The following TOP2B variants were observed in gnomAD, a reference collection of about 807,000 sequenced individuals.
TOP2B encodes DNA topoisomerase 2-beta.
Under a neutral mutation model 193.5 loss-of-function variants are expected in TOP2B, and 51 were observed. That is an observed-to-expected ratio of 0.26 (90% CI 0.21 to 0.33). The LOEUF (loss-of-function observed/expected upper bound fraction) is 0.33, where lower values mean the gene tolerates loss of function less well. Among genes scored for constraint, TOP2B ranks in the 10% least tolerant of loss-of-function variants. The probability of loss-of-function intolerance (pLI) is 1.00; values close to 1 mark genes in which losing one functional copy is unlikely to be tolerated. For missense variants in TOP2B, 1,378 were observed against 1,909.3 expected (o/e 0.72, Z 5.19); for synonymous variants, 634 against 635.7 (o/e 1.00, Z 0.04).
chr3:25,646,925 A>C (rs567391472), intron 1 of TOP2B, among the ~76,000 whole-genome samples: 1 of 152,276 alleles, frequency 6.6e-6, no homozygotes, highest in African/African-American at 2.4e-5. Flanking sequence ...TTTCAAAATA[A>C]AAGTATTAAA....
chr3:25,637,245 A>G lies in TOP2B; in HGVS notation c.609T>C (p.Ala203=). The G allele has an allele frequency of 6.4e-7, 1 of 1,559,316 alleles. No homozygotes were observed. Among genetic ancestry groups the G allele is most frequent in the South Asian group, 1.2e-5 (1 of 84,700 alleles). The part of the protein sequence containing the change: ...IFSTKFTVET[A]CKEYKHSFKQ... ...TAAAACTGTGTTTGTATTCTTTGCA[A>G]GCTGTTTCTACTGTAAACTTTGTAC... Residue 203 remains alanine, a synonymous_variant, in exon 6 of 36, where the codon GCT becomes GCC. Transcript: ENST00000264331.
chr3:25,627,175 T>C lies in TOP2B; in HGVS notation c.2016+12A>G, dbSNP rs1347686424. 5 of 1,576,454 alleles carry C rather than the reference T, an allele frequency of 3.2e-6. No homozygotes were observed. The African/African-American group carries it at 5.5e-5, about 17-fold the overall frequency. ...TGGCTAACAAAAGCTTTTAAAAAAT[T>C]AACTTAATTACCAAGGTAATGGCAG... On this transcript the variant is annotated intron_variant, in intron 16 of 35. Transcript: ENST00000264331.
intron 1 of TOP2B, among the ~76,000 whole-genome samples, chr3:25,648,973 A>G (rs2125401160): frequency 6.6e-6 from 1 of 152,362 alleles, no homozygotes; most frequent in Non-Finnish European, 1.5e-5. Flanking sequence ...ATAAATGAGT[A>G]CAGATGAACA....
chr3:25,633,976 T>G lies in TOP2B; in HGVS notation c.891A>C (p.Lys297Asn). Residue 297 changes from lysine to asparagine, a missense_variant, in exon 8 of 36, where the codon AAA becomes AAC. Lys to Asn is a moderately conservative substitution (Grantham distance 94, BLOSUM62 0). Coordinates refer to ENST00000264331, the MANE Select transcript of TOP2B (RefSeq NM_001330700.2). ...CCACCCCAGTTTCATCCAATTTGTC[T>G]TTCACATAAAGATCTACATAACTGC... ...GFRSYVDLYV[K>N]DKLDETGVAL... 2.5e-6 allele frequency: 4 copies of G among 1,612,340 alleles called. No individual in the cohort carries two copies. The highest frequency in any genetic ancestry group is 3.4e-6 in the Non-Finnish European group (4 of 1,179,154).
At chr3:25,616,549 A>C (rs1366517009) in intron 25 of TOP2B, among the ~76,000 whole-genome samples, 2 of 152,036 alleles carry the variant, frequency 1.3e-5, no homozygotes, top group African/African-American at 4.8e-5. Context: ...TATAAACAAA[A>C]ACTATAAATT....
chr3:25,613,055 C>T lies in TOP2B; in HGVS notation c.3592-346G>A, dbSNP rs145455328. On this transcript the variant is annotated intron_variant, in intron 27 of 35. Coordinates refer to ENST00000264331, the MANE Select transcript of TOP2B (RefSeq NM_001330700.2). ...CATCAAAATCCTAGCAAATCATATA[C>T]AAAGGCAGTTCTGCTAATAAGTATG... 2.5e-4 allele frequency among the ~76,000 whole-genome samples: 38 copies of T among 152,128 alleles called. No individual in the cohort carries two copies. The East Asian group carries it at 7.0e-3, about 28-fold the overall frequency.
At chr3:25,599,779 T>G (rs1400605647) in intron 34 of TOP2B, among the ~76,000 whole-genome samples, 1 of 152,320 alleles carries the variant, frequency 6.6e-6, no homozygotes, top group Middle Eastern at 3.4e-3. Flanking sequence ...TAATGATGAA[T>G]CCCTTCATAC....
intron 30 of TOP2B, among the ~76,000 whole-genome samples, chr3:25,608,866 A>G (rs1341781744): frequency 6.6e-6 from 1 of 152,180 alleles, no homozygotes; most frequent in Non-Finnish European, 1.5e-5. Flanking sequence ...ACAAAACCAC[A>G]AAGCACTTCT....
At chr3:25,660,106 C>G (rs942031473) in intron 1 of TOP2B, among the ~76,000 whole-genome samples, 3 of 152,070 alleles carry the variant, frequency 2.0e-5, no homozygotes, top group Non-Finnish European at 4.4e-5. Flanking sequence ...GAACATACTT[C>G]GATTCAGAAA....
In TOP2B at chr3:25,598,031, G is replaced by GTAGTT. The variant is rs1303293731; in HGVS notation, c.*271_*275dup. Reference sequence around the variant, plus strand: ...AAATTTCATTTCAAAAAGCAGGTCTGTAGTTTGTAACCATGACAATTAAAA... The same window carrying GTAGTT: ...AAATTTCATTTCAAAAAGCAGGTCTGTAGTTTAGTTTGTAACCATGACAATTAAAA... On this transcript the variant is annotated 3_prime_UTR_variant, in exon 36 of 36. Coordinates refer to ENST00000264331, the MANE Select transcript of TOP2B (RefSeq NM_001330700.2). The GTAGTT allele has an allele frequency of 9.9e-5, 23 of 231,270 alleles. No individual in the cohort carries two copies. Among genetic ancestry groups the GTAGTT allele is most frequent in the African/African-American group, 1.8e-4 (8 of 44,418 alleles). The allele number at this position is 231,270 out of a possible 1,614,324, so 14.3% of individuals were successfully genotyped here. A position where few individuals can be genotyped will look rare whatever the true frequency, so the allele number is the denominator to read the frequency against.
Position 25,664,734 on chromosome 3 carries a change from C to G in TOP2B, c.-437G>C, listed in dbSNP as rs1322884919. The G allele has an allele frequency of 3.0e-6, 3 of 987,474 alleles. No homozygotes were observed. Among genetic ancestry groups the G allele is most frequent in the Non-Finnish European group, 3.6e-6 (3 of 830,292 alleles). 61.2% of individuals were successfully genotyped at this position (987,474 alleles called of 1,614,324 possible). On this transcript the variant is annotated 5_prime_UTR_variant, in exon 1 of 36. Coordinates refer to ENST00000264331, the MANE Select transcript of TOP2B (RefSeq NM_001330700.2). ...CCTTCTCACACTCCGCGAAGGCCAG[C>G]CACTCGAGTCGCCAGAGTAGTCGTC...
chr3:25,615,638 T>G (rs1344277252), intron 25 of TOP2B, 52 bp from the exon 26 acceptor site: 1 of 1,305,310 alleles, frequency 7.7e-7, no homozygotes, highest in African/African-American at 1.5e-5. Context: ...ATCAAATTAA[T>G]GTTGAATTTT....
Position 25,626,841 on chromosome 3 carries a change from A to G in TOP2B, c.2040T>C (p.Asp680=). The change falls in exon 17 of 36, where the codon GAT becomes GAC. Residue 680 remains aspartate (D), a synonymous_variant. Coordinates refer to ENST00000264331, the MANE Select transcript of TOP2B (RefSeq NM_001330700.2). ...ITLAFSKKKI[D]DRKEWLTNFM... Reference sequence around the variant, plus strand: ...AATTTGTTAACCATTCTTTTCTGTCATCAATCTTCTTCTTACTAAATGCCT... The same window carrying G: ...AATTTGTTAACCATTCTTTTCTGTCGTCAATCTTCTTCTTACTAAATGCCT... 1 of 1,601,492 alleles carries G rather than the reference A, an allele frequency of 6.2e-7. No homozygotes were observed. The highest frequency in any genetic ancestry group is 2.2e-5 in the East Asian group (1 of 44,684).
rs376367103 is a variant in TOP2B at position 25,602,857 on chromosome 3, C to T, written c.4490-1632G>A. Reference sequence around the variant, plus strand: ...TACAGAATTTAACTTGTGTAACATACGCAATTTGGAGTTAACATAGACAAT... The same window carrying T: ...TACAGAATTTAACTTGTGTAACATATGCAATTTGGAGTTAACATAGACAAT... On this transcript the variant is annotated intron_variant, in intron 33 of 35. Coordinates refer to ENST00000264331, the MANE Select transcript of TOP2B (RefSeq NM_001330700.2). Among the ~76,000 whole-genome samples, 14 of 152,282 alleles carry T rather than the reference C, an allele frequency of 9.2e-5. No individual in the cohort carries two copies. The East Asian group carries it at 9.6e-4, about 10-fold the overall frequency.
At chr3:25,607,961 T>A (rs1702275746) in intron 30 of TOP2B, among the ~76,000 whole-genome samples, 1 of 152,096 alleles carries the variant, frequency 6.6e-6, no homozygotes, top group South Asian at 2.1e-4. Context: ...TTTTAAAAAA[T>A]TGTTTTAGAC....
intron 33 of TOP2B, among the ~76,000 whole-genome samples, chr3:25,603,494 C>T (rs562451156): frequency 6.6e-6 from 1 of 152,140 alleles, no homozygotes; most frequent in Non-Finnish European, 1.5e-5. Context: ...CTGCCTGCCT[C>T]GACCTCCCAG....
At chr3:25,621,634 T>G (rs1207234259) in intron 21 of TOP2B, among the ~76,000 whole-genome samples, 1 of 152,032 alleles carries the variant, frequency 6.6e-6, no homozygotes, top group Non-Finnish European at 1.5e-5. Context: ...GCTGGGATTA[T>G]AGACATGAGT....
At chr3:25,620,144 T>C in intron 22 of TOP2B, 82 bp from the exon 23 acceptor site, 3 of 907,656 alleles carry the variant, frequency 3.3e-6, no homozygotes, top group Non-Finnish European at 4.9e-6. Flanking sequence ...TCTTGAAAAT[T>C]CTCAACTCTC....
Position 25,598,146 on chromosome 3 carries a change from G to T in TOP2B, c.*161C>A, listed in dbSNP as rs1220635344. 3 of 667,402 alleles carry T rather than the reference G, an allele frequency of 4.5e-6. No homozygotes were observed. The highest frequency in any genetic ancestry group is 4.8e-6 in the Non-Finnish European group (2 of 413,604). The allele number at this position is 667,402 out of a possible 1,614,324, so 41.3% of individuals were successfully genotyped here. A position where few individuals can be genotyped will look rare whatever the true frequency, so the allele number is the denominator to read the frequency against. ...AATGAGTAAAAAAGAGCATAAAACTGTATGTGTAAGAACAAAATGTTAAAA... is the reference window on the plus strand; with the variant it reads ...AATGAGTAAAAAAGAGCATAAAACTTTATGTGTAAGAACAAAATGTTAAAA... On this transcript the variant is annotated 3_prime_UTR_variant, in exon 36 of 36. Transcript: ENST00000264331.
Sources: allele counts gnomAD v4.1 joint callset (sites outside exome capture counted in the v4.1 genomes callset), GRCh38; gene constraint gnomAD v4.1.1; transcripts MANE v1.5; gene names NCBI Gene and HGNC (gene_info 2026-07-23, HGNC 2026-07-21).